The following CDH13 variants were observed in gnomAD, a reference collection of about 807,000 sequenced individuals.
CDH13 encodes cadherin 13, also known as cadherin-13.
In CDH13, 24 loss-of-function variants were observed where a neutral mutation model predicts 63.8. The observed-to-expected ratio is 0.38, with a 90% CI of 0.27 to 0.53. The LOEUF (loss-of-function observed/expected upper bound fraction) is 0.53, where lower values mean the gene tolerates loss of function less well. CDH13 is among the 20% of genes least tolerant of loss of function. CDH13 has a pLI of 0.85. For synonymous variants in CDH13, 503 were observed against 355.3 expected, an observed-to-expected ratio of 1.42 and a Z score of -4.67; for missense variants, 1,049 against 903.1, an observed-to-expected ratio of 1.16 and a Z score of -2.07.
rs185391551 is a variant in CDH13 at position 83,526,892 on chromosome 16, G to A, written c.960+40237G>A. ...CGTGCCCGTAATCCCAGCACTTTGG[G>A]AGGCCAAGGCGGGCAGATCATGTGA... On this transcript the variant is annotated intron_variant, in intron 7 of 13. Coordinates refer to ENST00000567109, the MANE Select transcript of CDH13 (RefSeq NM_001257.5). 9.8e-5 allele frequency among the ~76,000 whole-genome samples: 15 copies of A among 152,300 alleles called. 1 individual carries two copies. In the East Asian group the frequency reaches 2.9e-3, roughly 29 times the overall value.
At chr16:83,269,851 A>T (rs867465365) in intron 5 of CDH13, among the ~76,000 whole-genome samples, 3 of 152,164 alleles carry the variant, frequency 2.0e-5, no homozygotes, top group Non-Finnish European at 2.9e-5. Flanking sequence ...CACTTTGGGG[A>T]TGATCTCATC....
chr16:83,275,999 T>A (rs2088975442), intron 5 of CDH13, among the ~76,000 whole-genome samples: 1 of 152,120 alleles, frequency 6.6e-6, no homozygotes, highest in South Asian at 2.1e-4. Flanking sequence ...TAAACAATTA[T>A]AACAGAAGGA....
At chr16:83,259,411 C>T (rs1334337148) in intron 5 of CDH13, among the ~76,000 whole-genome samples, 1 of 152,128 alleles carries the variant, frequency 6.6e-6, no homozygotes, top group African/African-American at 2.4e-5. Context: ...GTGGGGAGAA[C>T]AGCCCCTCAG....
At position 82,952,009 on chromosome 16, in the gene CDH13, G is replaced by T. The variant is rs117980106; in HGVS notation, c.158-80001G>T. 4.8e-3 allele frequency among the ~76,000 whole-genome samples: 726 copies of T among 152,278 alleles called. 8 individuals are homozygous for T. Among genetic ancestry groups the T allele is most frequent in the Non-Finnish European group, 8.3e-3 (566 of 68,030 alleles). ...CTCAACACATGTCACTTGGCTATAC[G>T]CTTCACTGGAACATTGTGTTGTGCT... On this transcript the variant is annotated intron_variant, in intron 2 of 13. Transcript: ENST00000567109.
chr16:83,392,760 C>A (rs1018007127), intron 6 of CDH13, among the ~76,000 whole-genome samples: 3 of 152,012 alleles, frequency 2.0e-5, no homozygotes, highest in African/African-American at 7.2e-5. Flanking sequence ...GTCAGAGCTT[C>A]TGTAATTACA....
chr16:83,318,956 TATA>T (rs573415834), intron 5 of CDH13, among the ~76,000 whole-genome samples: 126 of 151,504 alleles, frequency 8.3e-4, no homozygotes, highest in African/African-American at 3.0e-3. Context: ...AAAGCAAAAA[TATA>T]ATAATAATAA....
At chr16:83,026,594 G>T (rs8060498) in intron 2 of CDH13, among the ~76,000 whole-genome samples, 15,375 of 152,056 alleles carry the variant, frequency 0.1, 924 homozygotes, top group African/African-American at 0.16. Context: ...TACAGGAATA[G>T]TGGCAATTAG....
intron 2 of CDH13, among the ~76,000 whole-genome samples, chr16:82,906,181 GT>G (rs1197713191): frequency 1.3e-5 from 2 of 152,176 alleles, no homozygotes; most frequent in African/African-American, 4.8e-5. Context: ...AGATGGAGAA[GT>G]TTTTGCAGTT....
chr16:82,735,125 A>C (rs977021823), intron 1 of CDH13, among the ~76,000 whole-genome samples: 2 of 152,192 alleles, frequency 1.3e-5, no homozygotes, highest in Non-Finnish European at 2.9e-5. Flanking sequence ...ACCTTAAAGG[A>C]GCAAAGTAAA....
intron 1 of CDH13, among the ~76,000 whole-genome samples, chr16:82,684,014 TC>T (rs1914817717): frequency 6.6e-6 from 1 of 152,246 alleles, no homozygotes; most frequent in African/African-American, 2.4e-5. Flanking sequence ...GAGTGCCTTT[TC>T]GCCTGTCTAC....
chr16:83,268,957 T>A lies in CDH13; in HGVS notation c.636+51460T>A, dbSNP rs1225902529. On this transcript the variant is annotated intron_variant, in intron 5 of 13. Transcript: ENST00000567109. ...GACCAGAGCAGAGAGATGGGAGGCTTGTCAAAGAAGCATGAAGGTGCTTTT... is the reference window on the plus strand; with the variant it reads ...GACCAGAGCAGAGAGATGGGAGGCTAGTCAAAGAAGCATGAAGGTGCTTTT... 2.6e-5 allele frequency among the ~76,000 whole-genome samples: 4 copies of A among 152,004 alleles called. No individual in the cohort carries two copies. In the South Asian group the frequency reaches 8.3e-4, roughly 32 times the overall value.
intron 3 of CDH13, among the ~76,000 whole-genome samples, chr16:83,104,558 G>C (rs1239095064): frequency 2.6e-5 from 4 of 151,822 alleles, no homozygotes; most frequent in African/African-American, 9.7e-5. Context: ...TAGCAAAAAA[G>C]GAAGAAGAAT....
At chr16:83,602,938 A>AT (rs988292666) in intron 8 of CDH13, among the ~76,000 whole-genome samples, 2 of 152,148 alleles carry the variant, frequency 1.3e-5, no homozygotes, top group African/African-American at 4.8e-5. Context: ...AACAATAACT[A>AT]TTTTTTTCCA....
intron 6 of CDH13, among the ~76,000 whole-genome samples, chr16:83,426,212 C>T (rs902736170): frequency 6.6e-6 from 1 of 152,170 alleles, no homozygotes; most frequent in Non-Finnish European, 1.5e-5. Context: ...CTCTGGGTTT[C>T]CACCCTAATG....
At chr16:83,709,408 T>C (rs1203050934) in intron 10 of CDH13, among the ~76,000 whole-genome samples, 2 of 152,222 alleles carry the variant, frequency 1.3e-5, no homozygotes, top group Non-Finnish European at 2.9e-5. Context: ...CCCTCTATAA[T>C]CAGTACGGTC....
chr16:83,030,574 C>T (rs963124038), intron 2 of CDH13, among the ~76,000 whole-genome samples: 35 of 144,194 alleles, frequency 2.4e-4, no homozygotes, highest in Admixed American at 1.5e-4. Flanking sequence ...ACCCGGGAGG[C>T]AGAGGCTGCA....
At chr16:83,386,962 T>C (rs750637867) in intron 6 of CDH13, among the ~76,000 whole-genome samples, 6 of 152,216 alleles carry the variant, frequency 3.9e-5, no homozygotes, top group African/African-American at 1.4e-4. Context: ...ACATCATCTT[T>C]AGCTCCCTGC....
chr16:82,720,861 A>G (rs72837586), intron 1 of CDH13, among the ~76,000 whole-genome samples: 6,843 of 152,282 alleles, frequency 0.045, 180 homozygotes, highest in African/African-American at 0.059. Flanking sequence ...TCATTCGCCA[A>G]TGAGTCTCCT....
At chr16:83,539,750 G>C (rs572513461) in intron 7 of CDH13, among the ~76,000 whole-genome samples, 1 of 152,294 alleles carries the variant, frequency 6.6e-6, no homozygotes, top group East Asian at 1.9e-4. Context: ...ATAGGGAGAT[G>C]AAGTACCTTG....
Sources: allele counts gnomAD v4.1 joint callset (sites outside exome capture counted in the v4.1 genomes callset), GRCh38; gene constraint gnomAD v4.1.1; transcripts MANE v1.5; gene names NCBI Gene and HGNC (gene_info 2026-07-23, HGNC 2026-07-21).